Variants in DCAF8 observed in about 807,000 individuals in gnomAD.
The protein encoded by DCAF8 is DDB1 and CUL4 associated factor 8.
A neutral mutation model predicts 68.0 loss-of-function variants in DCAF8; 20 were observed. The observed-to-expected ratio is 0.29, with a 90% confidence interval of 0.21 to 0.43. The LOEUF is 0.43. Among genes scored for constraint, DCAF8 ranks in the 20% least tolerant of loss-of-function variants. The pLI is 1.00. For synonymous variants in DCAF8, 230 were observed against 276.9 expected, an observed-to-expected ratio of 0.83 and a Z score of 1.68; for missense variants, 460 against 771.0, an observed-to-expected ratio of 0.60 and a Z score of 4.78.
At chr1:160,236,979 G>C (rs893679810) in intron 6 of DCAF8, among the ~76,000 whole-genome samples, 156 bp downstream of exon 6, 9 of 152,160 alleles carry the variant, frequency 5.9e-5, no homozygotes, top group African/African-American at 1.2e-4. Flanking sequence ...CTGAGAAAGA[G>C]AGGAAGTAAG....
chr1:160,232,395 C>T (rs535295564), intron 6 of DCAF8, among the ~76,000 whole-genome samples: 1 of 152,280 alleles, frequency 6.6e-6, no homozygotes, highest in South Asian at 2.1e-4. Flanking sequence ...GTAATCCCAG[C>T]ACTTTGGGAA....
intron 10 of DCAF8, 63 bp from the exon 11 acceptor site, chr1:160,222,844 C>A (rs1269736383): frequency 1.3e-6 from 2 of 1,599,006 alleles, no homozygotes; most frequent in Admixed American, 3.4e-5. Context: ...ATACATTCAT[C>A]TCAAAGGGAA....
chr1:160,245,904 C>T (rs1815703), intron 2 of DCAF8, among the ~76,000 whole-genome samples: 65,129 of 151,900 alleles, frequency 0.43, 14,953 homozygotes, highest in South Asian at 0.61. Context: ...TTTGGGAGGC[C>T]GAGGAGGGCA....
chr1:160,224,622 T>G, intron 9 of DCAF8, 73 bp from the exon 10 acceptor site: 2 of 1,154,634 alleles, frequency 1.7e-6, no homozygotes, highest in Non-Finnish European at 2.6e-6. Context: ...GGGGTTGGGG[T>G]GGGGCTTCTT....
intron 3 of DCAF8, among the ~76,000 whole-genome samples, chr1:160,242,376 GA>G (rs1656153369): frequency 6.6e-6 from 1 of 152,082 alleles, no homozygotes; most frequent in Non-Finnish European, 1.5e-5. Context: ...TATATGCTAC[GA>G]AAGTTTAGCA....
Position 160,262,468 on chromosome 1 carries a change from C to T in DCAF8, c.-120G>A, listed in dbSNP as rs1657146773. On this transcript the variant is annotated 5_prime_UTR_variant, in exon 1 of 14. Coordinates refer to ENST00000368074, the MANE Select transcript of DCAF8 (RefSeq NM_015726.4). ...TCTTACACTGGCCAGCGGCCGCCAC[C>T]ACCACCGCCTCCGCTCTCTGCGCTT... The T allele has an allele frequency of 2.5e-6, 1 of 401,474 alleles. No individual in the cohort carries two copies. The highest frequency in any genetic ancestry group is 4.4e-6 in the Non-Finnish European group (1 of 227,922). The allele number at this position is 401,474 out of a possible 1,614,324, so 24.9% of individuals were successfully genotyped here.
At chr1:160,221,326 T>A (rs1313698288) in intron 11 of DCAF8, 1 of 152,066 alleles carries the variant, frequency 6.6e-6, no homozygotes, top group Non-Finnish European at 1.5e-5. Flanking sequence ...GTGTTTTGGG[T>A]TTGTTCACTG....
At chr1:160,255,325 G>A (rs536595694) in intron 2 of DCAF8, among the ~76,000 whole-genome samples, 12 of 152,222 alleles carry the variant, frequency 7.9e-5, no homozygotes, top group Admixed American at 2.0e-4. Flanking sequence ...TCGTAGAGAC[G>A]GAGTCTCACT....
chr1:160,222,692 A>G lies in DCAF8; in HGVS notation c.1399T>C (p.Cys467Arg). Reference sequence around the variant, plus strand: ...CCCTCCATGAACTGAATAATCTGGCAGGATGATTTCTCCCAGAGGAAGATG... The same window carrying G: ...CCCTCCATGAACTGAATAATCTGGCGGGATGATTTCTCCCAGAGGAAGATG... ...GHIFLWEKSSCQIIQFMEGDK... is the reference protein window; with the variant it reads ...GHIFLWEKSSRQIIQFMEGDK... The change falls in exon 11 of 14, where the codon TGC (cysteine) becomes CGC (arginine). Residue 467 changes from cysteine to arginine, a missense_variant. Physicochemically the swap from Cys to Arg is radical, Grantham distance 180. This residue lies in a region of DCAF8 where 30 missense variants were observed against 69.6 expected (regional missense o/e 0.43). Transcript: ENST00000368074. The G allele has an allele frequency of 2.5e-6, 4 of 1,614,220 alleles. No homozygotes were observed. Among genetic ancestry groups the G allele is most frequent in the Non-Finnish European group, 3.4e-6 (4 of 1,180,040 alleles).
intron 2 of DCAF8, among the ~76,000 whole-genome samples, chr1:160,255,296 G>T (rs929144297): frequency 6.6e-6 from 1 of 152,112 alleles, no homozygotes; most frequent in Admixed American, 6.6e-5. Flanking sequence ...TTTTAAAATA[G>T]ATTTTTTTAC....
rs780377544 is a variant in DCAF8 at position 160,222,697 on chromosome 1, G to A, written c.1394C>T (p.Ser465Leu). The part of the protein sequence containing the change: ...DCGHIFLWEK[S>L]SCQIIQFMEG... ...CATGAACTGAATAATCTGGCAGGAT[G>A]ATTTCTCCCAGAGGAAGATGTGCCC... The change falls in exon 11 of 14, where the codon TCA becomes TTA. Residue 465 changes from serine (S) to leucine (L), a missense_variant. Coordinates refer to ENST00000368074, the MANE Select transcript of DCAF8 (RefSeq NM_015726.4). The A allele has an allele frequency of 1.2e-6, 2 of 1,614,150 alleles. No homozygotes were observed. The highest frequency in any genetic ancestry group is 2.2e-5 in the South Asian group (2 of 91,090).
chr1:160,252,217 C>CA (rs1409800972), intron 2 of DCAF8, among the ~76,000 whole-genome samples: 6 of 152,148 alleles, frequency 3.9e-5, no homozygotes, highest in Non-Finnish European at 1.5e-5. Flanking sequence ...GTCACAATCC[C>CA]ATTTGTAGCC....
At chr1:160,221,690 C>A (rs538310408) in intron 11 of DCAF8, among the ~76,000 whole-genome samples, 4 of 152,148 alleles carry the variant, frequency 2.6e-5, no homozygotes, top group African/African-American at 7.2e-5. Flanking sequence ...TCCTTAGAGG[C>A]CTTGGATAAC....
rs1031607039 is a variant in DCAF8, at chr1:160,235,761, T to C, written c.959+1374A>G. The stretch of plus-strand genomic sequence containing the variant: ...AATGATTTTTTTTTTTTTTCTGAGA[T>C]GGAGTTTTGCTCCGTCACTCAGGAT... On this transcript the variant is annotated intron_variant, in intron 6 of 13. Transcript: ENST00000368074. 6.7e-5 allele frequency among the ~76,000 whole-genome samples: 10 copies of C among 149,728 alleles called. 1 individual carries two copies. Among genetic ancestry groups the C allele is most frequent in the South Asian group, 6.3e-4 (3 of 4,800 alleles).
chr1:160,262,456 A>G lies in DCAF8; in HGVS notation c.-108T>C, dbSNP rs1337755257. 3 of 401,052 alleles carry G rather than the reference A, an allele frequency of 7.5e-6. No homozygotes were observed. Among genetic ancestry groups the G allele is most frequent in the Non-Finnish European group, 1.3e-5 (3 of 227,706 alleles). 24.8% of individuals were successfully genotyped at this position (401,052 alleles called of 1,614,324 possible). A position where few individuals can be genotyped will look rare whatever the true frequency, so the allele number is the denominator to read the frequency against. ...ACGCCGCCGCCATCTTACACTGGCCAGCGGCCGCCACCACCACCGCCTCCG... is the reference window on the plus strand; with the variant it reads ...ACGCCGCCGCCATCTTACACTGGCCGGCGGCCGCCACCACCACCGCCTCCG... On this transcript the variant is annotated 5_prime_UTR_variant, in exon 1 of 14. Transcript: ENST00000368074.
intron 2 of DCAF8, among the ~76,000 whole-genome samples, chr1:160,250,540 A>AG (rs1209010374): frequency 5.3e-5 from 8 of 152,224 alleles, no homozygotes; most frequent in Non-Finnish European, 8.8e-5. Flanking sequence ...AAATGACATA[A>AG]TACCATTAAA....
At chr1:160,240,674 T>C (rs1403895708) in intron 3 of DCAF8, among the ~76,000 whole-genome samples, 2 of 152,236 alleles carry the variant, frequency 1.3e-5, no homozygotes, top group Non-Finnish European at 2.9e-5. Flanking sequence ...TATAAAAGTG[T>C]GCCTGATACA....
chr1:160,253,717 T>C (rs1252330525), intron 2 of DCAF8, among the ~76,000 whole-genome samples: 1 of 146,630 alleles, frequency 6.8e-6, no homozygotes, highest in Non-Finnish European at 1.5e-5. Context: ...TCCCAGCTAC[T>C]TGGGAGGCTG....
intron 1 of DCAF8, 155 bp downstream of exon 1, chr1:160,262,294 G>A (rs1448375560): frequency 1.0e-5 from 4 of 399,192 alleles, no homozygotes; most frequent in Admixed American, 4.4e-5. Flanking sequence ...TCAAGGGAGG[G>A]GGGGTGTCCG....
Sources: allele counts gnomAD v4.1 joint callset (sites outside exome capture counted in the v4.1 genomes callset), GRCh38; gene constraint gnomAD v4.1.1; regional missense constraint gnomAD v4.1.1; transcripts MANE v1.5; gene names NCBI Gene and HGNC (gene_info 2026-07-23, HGNC 2026-07-21).